ADAMTSL3: variants seen among roughly 807,000 people sequenced by gnomAD.
The protein encoded by ADAMTSL3 is ADAMTS like 3.
Under a neutral mutation model 201.7 loss-of-function variants are expected in ADAMTSL3, and 128 were observed. That is an observed-to-expected ratio of 0.63 (90% confidence interval 0.55 to 0.73). ADAMTSL3 has a LOEUF of 0.73. ADAMTSL3 is among the 30% of genes least tolerant of loss of function. ADAMTSL3 has a pLI of 0.00. For missense variants in ADAMTSL3, 1,990 were observed against 2,119.6 expected (o/e 0.94, Z 1.20); for synonymous variants, 738 against 748.4 (o/e 0.99, Z 0.23).
intron 6 of ADAMTSL3, among the ~76,000 whole-genome samples, chr15:83,825,669 C>A (rs985851742): frequency 6.6e-6 from 1 of 151,848 alleles, no homozygotes; most frequent in Admixed American, 6.6e-5. Context: ...CCTCAAGGAG[C>A]GCTCTCTGGA....
intron 15 of ADAMTSL3, among the ~76,000 whole-genome samples, chr15:83,902,862 T>G (rs2065753598): frequency 6.6e-6 from 1 of 152,122 alleles, no homozygotes; most frequent in African/African-American, 2.4e-5. Context: ...ACTTTCTTTT[T>G]AATCATAGGA....
At chr15:83,840,033 G>A (rs989958515) in intron 7 of ADAMTSL3, among the ~76,000 whole-genome samples, 5 of 152,142 alleles carry the variant, frequency 3.3e-5, no homozygotes, top group Non-Finnish European at 7.4e-5. Context: ...CTTGTTGGTG[G>A]TATTCAGTTA....
At chr15:84,001,406 G>T (rs917722034) in intron 23 of ADAMTSL3, among the ~76,000 whole-genome samples, 3 of 152,158 alleles carry the variant, frequency 2.0e-5, no homozygotes, top group Admixed American at 1.3e-4. Flanking sequence ...ATGTGTATTG[G>T]CTTCAACAGC....
chr15:84,036,059 C>T (rs527649592), intron 28 of ADAMTSL3, among the ~76,000 whole-genome samples: 2 of 152,250 alleles, frequency 1.3e-5, no homozygotes, highest in Admixed American at 1.3e-4. Flanking sequence ...ACTGGGAAGA[C>T]ACTCTCAAGC....
At chr15:83,754,234 A>G (rs1345929262) in intron 3 of ADAMTSL3, among the ~76,000 whole-genome samples, 1 of 152,184 alleles carries the variant, frequency 6.6e-6, no homozygotes, top group African/African-American at 2.4e-5. Flanking sequence ...ACAGAAAAGC[A>G]CCATTCTAGA....
chr15:83,781,734 AAAAC>A (rs1258676057), intron 4 of ADAMTSL3, among the ~76,000 whole-genome samples: 12 of 152,236 alleles, frequency 7.9e-5, no homozygotes, highest in East Asian at 3.8e-4. Flanking sequence ...TTACAAGAAA[AAAAC>A]AAACAACTCC....
intron 6 of ADAMTSL3, among the ~76,000 whole-genome samples, chr15:83,824,007 CTCTTCTT>C (rs1226643819): frequency 7.8e-6 from 1 of 127,484 alleles, no homozygotes; most frequent in African/African-American, 2.9e-5. Context: ...CTTCTTCTTC[CTCTTCTT>C]TCTTCTTTCT....
rs538421195 is a variant in ADAMTSL3 at position 83,872,031 on chromosome 15, C to G, written c.960+1072C>G. On this transcript the variant is annotated intron_variant, in intron 9 of 29. Transcript: ENST00000286744. ...AGGTAGATTAGAGTTGCTGACTCAT[C>G]CCAATCCCTGAGATACAAATTCAGC... Among the ~76,000 whole-genome samples, 34 of 152,302 alleles carry G rather than the reference C, an allele frequency of 2.2e-4. No individual in the cohort carries two copies. In the Middle Eastern group the frequency reaches 0.014, roughly 61 times the overall value.
chr15:83,838,209 GA>G lies in ADAMTSL3; in HGVS notation c.727del (p.Arg243GlufsTer5), dbSNP rs2064313354. The part of the protein sequence containing the change: ...RGQSKSHVSP[E>X]KREENVIAVP... The stretch of plus-strand genomic sequence containing the variant: ...ACAATCAAAGTCACACGTTTCTCCT[GA>G]AAAAAGTAGGTTTTAAACCCAATAC... On this transcript the variant is annotated frameshift_variant, in exon 7 of 30. Transcript: ENST00000286744. LOFTEE classifies it high-confidence loss of function. 6.2e-7 allele frequency: 1 copy of G among 1,611,750 alleles called. No homozygotes were observed. The highest frequency in any genetic ancestry group is 8.5e-7 in the Non-Finnish European group (1 of 1,179,092).
At chr15:83,879,139 C>G (rs1400624589) in intron 9 of ADAMTSL3, among the ~76,000 whole-genome samples, 1 of 152,042 alleles carries the variant, frequency 6.6e-6, no homozygotes, top group Non-Finnish European at 1.5e-5. Flanking sequence ...CTATTTGTGC[C>G]TACTCTTCTC....
chr15:83,825,916 G>A (rs1242014761), intron 6 of ADAMTSL3, among the ~76,000 whole-genome samples: 1 of 152,162 alleles, frequency 6.6e-6, no homozygotes, highest in Non-Finnish European at 1.5e-5. Context: ...AAAGTAGAGA[G>A]AGGAGCTGTT....
chr15:83,801,450 A>T (rs1381482386), intron 4 of ADAMTSL3, among the ~76,000 whole-genome samples: 1 of 151,364 alleles, frequency 6.6e-6, no homozygotes, highest in East Asian at 1.9e-4. Flanking sequence ...CATGAAATGG[A>T]AATGGAGGAG....
rs2068516927 is a variant in ADAMTSL3, at chr15:84,036,830, C to T, written c.4812C>T (p.Gly1604=). ...SGACDVCWHT[G]PWKPCTAACG... ...CCTGTGATGTGTGTTGGCACACAGG[C>T]CCTTGGAAGCCCTGTACAGCAGCCT... is the stretch of plus-strand genomic sequence containing the variant. The change falls in exon 29 of 30, where the codon GGC becomes GGT. Residue 1604 remains glycine (G), a synonymous_variant. Coordinates refer to ENST00000286744, the MANE Select transcript of ADAMTSL3 (RefSeq NM_207517.3). 3.1e-6 allele frequency: 5 copies of T among 1,613,984 alleles called. No homozygotes were observed. In the East Asian group the frequency reaches 1.1e-4, roughly 36 times the overall value.
intron 7 of ADAMTSL3, among the ~76,000 whole-genome samples, chr15:83,849,782 A>G (rs2064571688): frequency 1.3e-5 from 2 of 152,218 alleles, no homozygotes; most frequent in African/African-American, 4.8e-5. Flanking sequence ...ATTTCAAGCA[A>G]AAATACAAAA....
At chr15:83,679,632 A>C (rs1216493913) in intron 2 of ADAMTSL3, among the ~76,000 whole-genome samples, 1 of 152,062 alleles carries the variant, frequency 6.6e-6, no homozygotes, top group South Asian at 2.1e-4. Flanking sequence ...TCAGTTCTCA[A>C]ACCTTTTGTA....
intron 2 of ADAMTSL3, among the ~76,000 whole-genome samples, chr15:83,687,191 G>A (rs921843720): frequency 2.6e-4 from 39 of 152,238 alleles, no homozygotes; most frequent in African/African-American, 9.2e-4. Context: ...GCCGCAGAGT[G>A]AAACTCTATC....
At chr15:83,879,705 T>C (rs2065237358) in intron 9 of ADAMTSL3, among the ~76,000 whole-genome samples, 1 of 152,250 alleles carries the variant, frequency 6.6e-6, no homozygotes, top group South Asian at 2.1e-4. Flanking sequence ...TCTTCTGTTG[T>C]TGGATACAAT....
chr15:83,949,440 T>C (rs539057313), intron 19 of ADAMTSL3, among the ~76,000 whole-genome samples: 27 of 152,334 alleles, frequency 1.8e-4, no homozygotes, highest in South Asian at 4.1e-4. Context: ...TTCCATATCT[T>C]GGCTATTGTG....
intron 4 of ADAMTSL3, among the ~76,000 whole-genome samples, chr15:83,799,124 A>G (rs2063478968): frequency 6.6e-6 from 1 of 152,136 alleles, no homozygotes; most frequent in Non-Finnish European, 1.5e-5. Flanking sequence ...TTAGAGACTT[A>G]TTAAGTCTTC....
Sources: gnomAD v4.1 joint callset for allele counts (sites outside exome capture counted in the v4.1 genomes callset) on GRCh38, gnomAD v4.1.1 for gene constraint, MANE v1.5 for transcripts, NCBI Gene and HGNC (gene_info 2026-07-23, HGNC 2026-07-21) for gene names.